Variants in CAMK2D observed in about 807,000 individuals in gnomAD.
CAMK2D encodes calcium/calmodulin dependent protein kinase II delta.
A neutral mutation model predicts 84.0 loss-of-function variants in CAMK2D; 37 were observed. The observed-to-expected ratio is 0.44, with a 90% CI of 0.34 to 0.58. The LOEUF is 0.58. Ranked by LOEUF, CAMK2D falls within the 20% of genes least tolerant of loss-of-function variation. The pLI is 0.02. For missense variants in CAMK2D, 448 were observed against 652.5 expected (o/e 0.69, Z 3.41); for synonymous variants, 202 against 212.5 (o/e 0.95, Z 0.43).
chr4:113,727,038 T>C (rs989537681), intron 2 of CAMK2D, among the ~76,000 whole-genome samples: 2 of 152,178 alleles, frequency 1.3e-5, no homozygotes, highest in Non-Finnish European at 2.9e-5. Context: ...CTAGAGGTAA[T>C]TGATCAACTA....
At chr4:113,707,172 T>C (rs943959245) in intron 2 of CAMK2D, among the ~76,000 whole-genome samples, 1 of 152,166 alleles carries the variant, frequency 6.6e-6, no homozygotes, top group African/African-American at 2.4e-5. Context: ...GAAAATTAGT[T>C]TAGAAACTCT....
chr4:113,549,146 T>C (rs2154197045), intron 5 of CAMK2D, among the ~76,000 whole-genome samples: 1 of 152,290 alleles, frequency 6.6e-6, no homozygotes, highest in South Asian at 2.1e-4. Context: ...GAGGTCACAA[T>C]TAAACAGGTG....
chr4:113,549,485 T>C (rs899064096), intron 5 of CAMK2D, among the ~76,000 whole-genome samples: 7 of 152,192 alleles, frequency 4.6e-5, no homozygotes, highest in African/African-American at 1.2e-4. Flanking sequence ...CTTCATACTA[T>C]ATCAAAATGC....
chr4:113,664,477 A>T (rs919511628), intron 2 of CAMK2D, among the ~76,000 whole-genome samples: 1 of 152,120 alleles, frequency 6.6e-6, no homozygotes, highest in Non-Finnish European at 1.5e-5. Flanking sequence ...AAGCTGGCAT[A>T]GTTGTTGGCA....
intron 4 of CAMK2D, among the ~76,000 whole-genome samples, chr4:113,593,881 C>T (rs766801329): frequency 1.3e-5 from 2 of 152,016 alleles, no homozygotes; most frequent in Non-Finnish European, 2.9e-5. Context: ...TAACTTACCA[C>T]TATTATTATT....
intron 2 of CAMK2D, among the ~76,000 whole-genome samples, chr4:113,677,781 GTC>G (rs2099324852): frequency 6.6e-6 from 1 of 152,026 alleles, no homozygotes; most frequent in African/African-American, 2.4e-5. Context: ...AAAGAGATAA[GTC>G]AGTCAAGTAA....
chr4:113,572,509 C>T (rs1286782391), intron 4 of CAMK2D, among the ~76,000 whole-genome samples: 1 of 151,034 alleles, frequency 6.6e-6, no homozygotes, highest in African/African-American at 2.4e-5. Context: ...GACATACATG[C>T]AGCCAACAAT....
intron 2 of CAMK2D, among the ~76,000 whole-genome samples, chr4:113,680,266 A>T (rs1416800760): frequency 6.6e-6 from 1 of 152,208 alleles, no homozygotes; most frequent in African/African-American, 2.4e-5. Flanking sequence ...AGGAAGAAAG[A>T]TCAGGAAGCA....
chr4:113,726,383 T>G (rs922319466), intron 2 of CAMK2D, among the ~76,000 whole-genome samples: 9 of 142,158 alleles, frequency 6.3e-5, no homozygotes, highest in Non-Finnish European at 1.4e-4. Flanking sequence ...GCTTTTTTTT[T>G]TTTTTTTTTT....
intron 16 of CAMK2D, among the ~76,000 whole-genome samples, chr4:113,470,296 C>T (rs1017366822): frequency 3.3e-5 from 5 of 152,132 alleles, no homozygotes; most frequent in Admixed American, 6.5e-5. Context: ...TGCACCCCCC[C>T]CATTTTGCTC....
intron 4 of CAMK2D, among the ~76,000 whole-genome samples, chr4:113,569,427 C>T (rs1220060886): frequency 6.6e-6 from 1 of 152,028 alleles, no homozygotes; most frequent in African/African-American, 2.4e-5. Flanking sequence ...AGGTAAGGGT[C>T]CAACTTTTAA....
chr4:113,552,014 C>G lies in CAMK2D; in HGVS notation c.341+17G>C. ...TGAATGTTGAGTCTTGTATCTTGCC[C>G]AGGGCAAGTCACTTACCTGGCATCA... is the stretch of plus-strand genomic sequence containing the variant. On this transcript the variant is annotated intron_variant, in intron 5 of 20. Coordinates refer to ENST00000511664, the MANE Select transcript of CAMK2D (RefSeq NM_001321571.2). 1 of 1,401,640 alleles carries G rather than the reference C, an allele frequency of 7.1e-7. No homozygotes were observed. Among genetic ancestry groups the G allele is most frequent in the Non-Finnish European group, 1.0e-6 (1 of 1,002,242 alleles). 86.8% of individuals were successfully genotyped at this position (1,401,640 alleles called of 1,614,324 possible).
intron 2 of CAMK2D, among the ~76,000 whole-genome samples, chr4:113,731,532 G>C (rs2099568777): frequency 6.7e-6 from 1 of 150,200 alleles, no homozygotes; most frequent in African/African-American, 2.5e-5. Flanking sequence ...TTTATTTCTT[G>C]ATGATGAAAA....
intron 3 of CAMK2D, among the ~76,000 whole-genome samples, chr4:113,625,222 T>C (rs1592129928): frequency 6.6e-6 from 1 of 152,314 alleles, no homozygotes; most frequent in East Asian, 1.9e-4. Context: ...CCAGTGAATA[T>C]TTATTGAGTT....
At chr4:113,743,172 T>C (rs1216821824) in intron 2 of CAMK2D, among the ~76,000 whole-genome samples, 2 of 152,228 alleles carry the variant, frequency 1.3e-5, no homozygotes, top group Admixed American at 6.5e-5. Flanking sequence ...CTCTGCTAGA[T>C]GCAACTTGGA....
chr4:113,761,147 C>G lies in CAMK2D; in HGVS notation c.-79G>C, dbSNP rs921690636. On this transcript the variant is annotated 5_prime_UTR_variant, in exon 1 of 21. Transcript: ENST00000511664. ...ACGCGCGGCTAACCCCGGGACTGGC[C>G]CCGCGGCGCTGTCACCCAGGGCCGC... The G allele has an allele frequency of 6.2e-7, 1 of 1,606,352 alleles. No individual in the cohort carries two copies. The highest frequency in any genetic ancestry group is 1.3e-5 in the African/African-American group (1 of 74,886).
chr4:113,610,996 G>A (rs191991446), intron 3 of CAMK2D, among the ~76,000 whole-genome samples: 68 of 151,536 alleles, frequency 4.5e-4, no homozygotes, highest in African/African-American at 1.5e-3. Context: ...AGAAGGTTTT[G>A]GGATGGAAAT....
In CAMK2D at chr4:113,722,782, T is replaced by C. The variant is rs79992147; in HGVS notation, c.160+36538A>G. Among the ~76,000 whole-genome samples the C allele has an allele frequency of 1.8e-3, 268 of 152,226 alleles. 3 individuals carry two copies. In the East Asian group the frequency reaches 0.035, roughly 20 times the overall value. ...AGTTCCTCTAGACTACAGAGCCCAA[T>C]TGGTGCTCCTTGCAGTTAAGCCTGT... is the stretch of plus-strand genomic sequence containing the variant. On this transcript the variant is annotated intron_variant, in intron 2 of 20. Transcript: ENST00000511664.
intron 4 of CAMK2D, among the ~76,000 whole-genome samples, chr4:113,602,523 C>T (rs2098957584): frequency 6.6e-6 from 1 of 152,204 alleles, no homozygotes; most frequent in Admixed American, 6.5e-5. Context: ...AACCTAGAGC[C>T]TGAGCCTGGA....
Sources: allele counts gnomAD v4.1 joint callset (sites outside exome capture counted in the v4.1 genomes callset), GRCh38; gene constraint gnomAD v4.1.1; transcripts MANE v1.5; gene names NCBI Gene and HGNC (gene_info 2026-07-23, HGNC 2026-07-21).